The following VIRMA variants were observed in gnomAD, a reference collection of about 807,000 sequenced individuals.
VIRMA encodes protein virilizer homolog.
A neutral mutation model predicts 182.4 loss-of-function variants in VIRMA; 65 were observed. That is an observed-to-expected ratio of 0.36 (90% CI 0.29 to 0.44). The LOEUF (loss-of-function observed/expected upper bound fraction) is 0.44, where lower values mean the gene tolerates loss of function less well. Among genes scored for constraint, VIRMA ranks in the 20% least tolerant of loss-of-function variants. The pLI is 1.00. For missense variants in VIRMA, 1,752 were observed against 2,158.1 expected, an observed-to-expected ratio of 0.81 and a Z score of 3.73; for synonymous variants, 709 against 743.1, an observed-to-expected ratio of 0.95 and a Z score of 0.75.
intron 2 of VIRMA, among the ~76,000 whole-genome samples, chr8:94,540,874 G>A (rs1815525273): frequency 6.6e-6 from 1 of 151,976 alleles, no homozygotes; most frequent in African/African-American, 2.4e-5. Flanking sequence ...CTCAGGTCCT[G>A]GTCACTGAAA....
intron 8 of VIRMA, 104 bp from the exon 9 acceptor site, chr8:94,519,580 T>C: frequency 8.5e-7 from 1 of 1,176,234 alleles, no homozygotes; most frequent in Non-Finnish European, 1.2e-6. Context: ...ACCATAATCC[T>C]TATCCTCAGT....
intron 2 of VIRMA, among the ~76,000 whole-genome samples, chr8:94,539,381 AG>A (rs1188149722): frequency 1.3e-5 from 2 of 152,222 alleles, no homozygotes; most frequent in African/African-American, 4.8e-5. Context: ...TTCTAAAAAT[AG>A]ATTATTTGGT....
In VIRMA at chr8:94,529,253, G is replaced by A; in HGVS notation, c.697C>T (p.Gln233Ter). 6.2e-7 allele frequency: 1 copy of A among 1,606,860 alleles called. No individual in the cohort carries two copies. Among genetic ancestry groups the A allele is most frequent in the Non-Finnish European group, 8.5e-7 (1 of 1,173,648 alleles). ...TCTACTTCTCCTTCATCAGAATATT[G>A]CCCTTCCTGGGGAACAGAATTCCGA... is the stretch of plus-strand genomic sequence containing the variant. ...PDRNSVPQEG[Q>*]YSDEGEVEEE... Residue 233 changes from glutamine (Q) to a stop codon, truncating the protein, a stop_gained, in exon 7 of 24, where the codon CAA becomes TAA. Transcript: ENST00000297591. LOFTEE classifies it high-confidence loss of function.
At chr8:94,550,290 A>ATT (rs11356608) in intron 1 of VIRMA, among the ~76,000 whole-genome samples, 4,067 of 143,114 alleles carry the variant, frequency 0.028, 194 homozygotes, top group African/African-American at 0.098. Flanking sequence ...TCTCTGAACC[A>ATT]TTTTTTTTTT....
At chr8:94,551,859 G>A (rs1355242510) in intron 1 of VIRMA, among the ~76,000 whole-genome samples, 1 of 152,070 alleles carries the variant, frequency 6.6e-6, no homozygotes. Flanking sequence ...CGAGTAGCTG[G>A]GGCAACAAGA....
intron 19 of VIRMA, among the ~76,000 whole-genome samples, chr8:94,495,177 A>AT (rs948656038): frequency 3.3e-5 from 5 of 151,860 alleles, no homozygotes; most frequent in Non-Finnish European, 5.9e-5. Context: ...ATTAAAAAAA[A>AT]TTTTTTTGTA....
Position 94,529,149 on chromosome 8 carries a change from A to ATCATCC in VIRMA, c.795_800dup (p.Glu265_Asp266dup), listed in dbSNP as rs746831624. On this transcript the variant is annotated inframe_insertion, in exon 7 of 24. Coordinates refer to ENST00000297591, the MANE Select transcript of VIRMA (RefSeq NM_015496.5). ...CAGGAATACTGTCTACTGTTCGTCG[A>ATCATCC]TCATCCTCATCCTCATCCTCTTCTT... The ATCATCC allele has an allele frequency of 2.1e-6, 3 of 1,428,306 alleles. No individual in the cohort carries two copies. Among genetic ancestry groups the ATCATCC allele is most frequent in the Non-Finnish European group, 2.0e-6 (2 of 1,011,682 alleles). The allele number at this position is 1,428,306 out of a possible 1,614,324, so 88.5% of individuals were successfully genotyped here.
chr8:94,500,440 A>G (rs1194751757), intron 16 of VIRMA, among the ~76,000 whole-genome samples: 1 of 152,164 alleles, frequency 6.6e-6, no homozygotes, highest in Non-Finnish European at 1.5e-5. Context: ...CATGGGTTCA[A>G]AATTGGACTA....
intron 16 of VIRMA, among the ~76,000 whole-genome samples, chr8:94,505,274 C>A (rs1814115350): frequency 6.6e-6 from 1 of 152,128 alleles, no homozygotes; most frequent in South Asian, 2.1e-4. Context: ...ACCAATGCTG[C>A]AAGAATTAAT....
chr8:94,527,119 A>C lies in VIRMA; in HGVS notation c.1125T>G (p.Asn375Lys). 6.2e-7 allele frequency: 1 copy of C among 1,614,074 alleles called. No individual in the cohort carries two copies. ...RMKDQGPDKE[N>K]SGAIEASVKL... is the part of the protein sequence containing the mutation. ...TCACTGAGGCTTCGATTGCCCCTGA[A>C]TTTTCTTTATCTGGACCTTGATCCT... The change falls in exon 8 of 24, where the codon AAT (asparagine) becomes AAG (lysine). Residue 375 changes from asparagine to lysine, a missense_variant. Around this residue, in one of 11 missense-constraint regions of VIRMA, gnomAD observed 401 missense variants for 455.1 expected, o/e 0.88. Coordinates refer to ENST00000297591, the MANE Select transcript of VIRMA (RefSeq NM_015496.5).
intron 1 of VIRMA, among the ~76,000 whole-genome samples, chr8:94,548,340 G>T (rs1441673988): frequency 6.6e-6 from 1 of 151,152 alleles, no homozygotes; most frequent in Non-Finnish European, 1.5e-5. Context: ...CAGTATTACA[G>T]TATTGTAATA....
intron 16 of VIRMA, among the ~76,000 whole-genome samples, chr8:94,501,610 TAATC>T (rs368803264): frequency 7.3e-4 from 111 of 152,236 alleles, no homozygotes; most frequent in African/African-American, 1.5e-3. Flanking sequence ...GAGAATAAAA[TAATC>T]AAGAAAGGGA....
chr8:94,495,192 G>A (rs1308680846), intron 19 of VIRMA, among the ~76,000 whole-genome samples: 2 of 151,964 alleles, frequency 1.3e-5, no homozygotes, highest in Non-Finnish European at 2.9e-5. Context: ...TTTGTAGAGA[G>A]AGGGTCTCCC....
Position 94,510,594 on chromosome 8 carries a change from T to C in VIRMA, c.3449A>G (p.His1150Arg). 1 of 1,614,142 alleles carries C rather than the reference T, an allele frequency of 6.2e-7. No individual in the cohort carries two copies. Among genetic ancestry groups the C allele is most frequent in the Non-Finnish European group, 8.5e-7 (1 of 1,180,006 alleles). Residue 1150 changes from histidine to arginine, a missense_variant, in exon 14 of 24, where the codon CAC becomes CGC. Coordinates refer to ENST00000297591, the MANE Select transcript of VIRMA (RefSeq NM_015496.5). ...GAGCAACTTTGCTTGAACATGAAGG[T>C]GCATGCTCCACAATTTTCGGGTGTT... is the stretch of plus-strand genomic sequence containing the variant. ...ALNTRKLWSMHLHVQAKLLQE... is the reference protein window; with the variant it reads ...ALNTRKLWSMRLHVQAKLLQE...
chr8:94,522,204 C>T lies in VIRMA; in HGVS notation c.2022-2728G>A, dbSNP rs115740264. On this transcript the variant is annotated intron_variant, in intron 8 of 23. Transcript: ENST00000297591. ...CATGTATCAAAACATGTCACTGTTG[C>T]TATTTAAAAATAAAAAATAAAAAAG... Among the ~76,000 whole-genome samples, 1,003 of 152,248 alleles carry T rather than the reference C, an allele frequency of 6.6e-3. 6 individuals are homozygous for T. Among genetic ancestry groups the T allele is most frequent in the African/African-American group, 0.023 (947 of 41,554 alleles).
At chr8:94,491,466 TGCA>T in intron 22 of VIRMA, 109 bp downstream of exon 22, 4 of 1,031,796 alleles carry the variant, frequency 3.9e-6, no homozygotes, top group Non-Finnish European at 5.7e-6. Context: ...GTGGCTCAAC[TGCA>T]GCAACAGGAA....
chr8:94,511,469 C>T lies in VIRMA; in HGVS notation c.3106G>A (p.Ala1036Thr). 6.2e-7 allele frequency: 1 copy of T among 1,614,118 alleles called. No individual in the cohort carries two copies. The highest frequency in any genetic ancestry group is 8.5e-7 in the Non-Finnish European group (1 of 1,180,002). Reference protein sequence around the residue: ...FEFKDMRVPSALVTLHMLLCS... With the variant: ...FEFKDMRVPSTLVTLHMLLCS... Reference sequence around the variant, plus strand: ...AGGAGCATATGTAAAGTAACAAGCGCTGAAGGAACACGCATGTCCTTAAAC... The same window carrying T: ...AGGAGCATATGTAAAGTAACAAGCGTTGAAGGAACACGCATGTCCTTAAAC... The change falls in exon 13 of 24, where the codon GCG (alanine) becomes ACG (threonine). Residue 1036 changes from alanine (A) to threonine (T), a missense_variant. By Grantham distance (58) the Ala-to-Thr change is moderately conservative. This residue lies in a region of VIRMA where 777 missense variants were observed against 920.6 expected (regional missense o/e 0.84). Coordinates refer to ENST00000297591, the MANE Select transcript of VIRMA (RefSeq NM_015496.5).
At chr8:94,519,530 A>C in intron 8 of VIRMA, 54 bp from the exon 9 acceptor site, 1 of 1,497,522 alleles carries the variant, frequency 6.7e-7, no homozygotes, top group South Asian at 1.4e-5. Context: ...TTCTTCATTT[A>C]CTCAATATTC....
At chr8:94,513,793 T>C (rs1563465766) in intron 11 of VIRMA, among the ~76,000 whole-genome samples, 1 of 152,182 alleles carries the variant, frequency 6.6e-6, no homozygotes. Flanking sequence ...AGGATATTAA[T>C]TGTACTTCTC....
Sources: allele counts gnomAD v4.1 joint callset (sites outside exome capture counted in the v4.1 genomes callset), GRCh38; gene constraint gnomAD v4.1.1; regional missense constraint gnomAD v4.1.1; transcripts MANE v1.5; gene names NCBI Gene and HGNC (gene_info 2026-07-23, HGNC 2026-07-21).